C4orf50: variants seen among roughly 807,000 people sequenced by gnomAD.
C4orf50 encodes uncharacterized protein C4orf50.
Under a neutral mutation model 77.2 loss-of-function variants are expected in C4orf50, and 80 were observed. The observed-to-expected ratio is 1.04, with a 90% CI of 0.87 to 1.25. The LOEUF is 1.25. Among genes scored for constraint, C4orf50 ranks in the 50% most tolerant of loss-of-function variants. The probability of loss-of-function intolerance (pLI) is 0.00; values close to 1 mark genes in which losing one functional copy is unlikely to be tolerated. For synonymous variants in C4orf50, 532 were observed against 465.3 expected (o/e 1.14, Z -1.84); for missense variants, 1,257 against 1,152.9 (o/e 1.09, Z -1.31).
intron 7 of C4orf50, among the ~76,000 whole-genome samples, chr4:5,912,712 T>G (rs889179110): frequency 6.6e-6 from 1 of 151,956 alleles, no homozygotes; most frequent in Non-Finnish European, 1.5e-5. Context: ...GGCAGAGGAG[T>G]GCAGAGAGAG....
rs1197953101 is a variant in C4orf50, at chr4:5,970,800, C to A, written c.4104+2859G>T. 6.6e-6 allele frequency among the ~76,000 whole-genome samples: 1 copy of A among 152,222 alleles called. No homozygotes were observed. Among genetic ancestry groups the A allele is most frequent in the Non-Finnish European group, 1.5e-5 (1 of 68,040 alleles). ...CCTCAGCCCAAGGCCCAGCCCCCACCCCCTCAACAGCCCTGGGACATGCTG... is the reference window on the plus strand; with the variant it reads ...CCTCAGCCCAAGGCCCAGCCCCCACACCCTCAACAGCCCTGGGACATGCTG... On this transcript the variant is annotated intron_variant, in intron 31 of 33. Coordinates refer to ENST00000531445, the Ensembl canonical transcript of C4orf50. The surrounding 1 kb of genome is among the most constrained non-coding windows in gnomAD (Gnocchi z 4.3).
chr4:5,931,134 A>G (rs560237959), intron 7 of C4orf50, among the ~76,000 whole-genome samples: 1 of 152,298 alleles, frequency 6.6e-6, no homozygotes, highest in Admixed American at 6.5e-5. Flanking sequence ...CCCAGCTGAA[A>G]AGGAACTCGC....
chr4:5,966,916 G>C (rs368371346), intron 32 of C4orf50, among the ~76,000 whole-genome samples: 213 of 152,294 alleles, frequency 1.4e-3, no homozygotes, highest in African/African-American at 4.9e-3. Context: ...CCAAAGTGCT[G>C]GGATTACAGG....
At position 5,931,142 on chromosome 4, in the gene C4orf50, C is replaced by T. The variant is rs146907885; in HGVS notation, c.*2474+25759G>A. ...TGTCAGGCCCAGCTGAAAAGGAACT[C>T]GCCAAGACTGGGGCTGAGCTGAAAA... On this transcript the variant is annotated intron_variant, in intron 7 of 7. Coordinates refer to the C4orf50 transcript ENST00000324058. Among the ~76,000 whole-genome samples, 755 of 152,282 alleles carry T rather than the reference C, an allele frequency of 5.0e-3. 7 individuals carry two copies. The highest frequency in any genetic ancestry group is 0.017 in the African/African-American group (711 of 41,552).
chr4:5,947,549 G>A (rs1032095960), intron 7 of C4orf50, among the ~76,000 whole-genome samples: 6 of 142,778 alleles, frequency 4.2e-5, no homozygotes, highest in African/African-American at 1.5e-4. Context: ...CTCAAGCAAC[G>A]GATGGGAAAA....
chr4:5,957,437 G>A (rs1310564467), exon 34 of C4orf50: 1 of 152,388 alleles, frequency 6.6e-6, no homozygotes, highest in East Asian at 1.9e-4. Flanking sequence ...GGAGGCAGAA[G>A]GCGGATCACC....
intron 25 of C4orf50, among the ~76,000 whole-genome samples, chr4:5,996,774 C>T (rs1721610451): frequency 6.6e-6 from 1 of 152,208 alleles, no homozygotes; most frequent in African/African-American, 2.4e-5. Flanking sequence ...TCAACCCAAA[C>T]CTATTAACCC....
Position 6,011,137 on chromosome 4 carries a change from T to C in C4orf50, c.426+693A>G, listed in dbSNP as rs1034023875. On this transcript the variant is annotated intron_variant, in intron 24 of 33. Coordinates refer to ENST00000531445, the Ensembl canonical transcript of C4orf50. This position sits in a 1 kb window ranked among gnomAD's most constrained non-coding sequence, Gnocchi z 4.2. ...CTGCCTCCATCATCTCTCTCTCCCA[T>C]GCAGGGAGAATGGCATTCCCCAAAT... 4.6e-5 allele frequency among the ~76,000 whole-genome samples: 7 copies of C among 152,086 alleles called. No individual in the cohort carries two copies. The highest frequency in any genetic ancestry group is 2.0e-4 in the Admixed American group (3 of 15,274).
intron 28 of C4orf50, among the ~76,000 whole-genome samples, chr4:5,984,694 T>C (rs1720768551): frequency 6.6e-6 from 1 of 152,042 alleles, no homozygotes; most frequent in Non-Finnish European, 1.5e-5. Flanking sequence ...TTAAAACTGA[T>C]ACAGGATTTT....
intron 7 of C4orf50, among the ~76,000 whole-genome samples, chr4:5,946,935 A>G (rs937507094): frequency 6.6e-6 from 1 of 152,244 alleles, no homozygotes; most frequent in Non-Finnish European, 1.5e-5. Flanking sequence ...ATACATTTAC[A>G]TATAACAACG....
chr4:5,938,451 G>A (rs1391767126), intron 7 of C4orf50, among the ~76,000 whole-genome samples: 2 of 152,172 alleles, frequency 1.3e-5, no homozygotes, highest in African/African-American at 4.8e-5. Context: ...AAGGATCCAA[G>A]GGTCACAGCG....
rs531434509 is a variant in C4orf50 at position 5,972,626 on chromosome 4, C to G, written c.4104+1033G>C. Among the ~76,000 whole-genome samples the G allele has an allele frequency of 1.1e-3, 166 of 152,342 alleles. 2 individuals are homozygous for G. Among genetic ancestry groups the G allele is most frequent in the Non-Finnish European group, 1.4e-3 (95 of 68,042 alleles). On this transcript the variant is annotated intron_variant, in intron 31 of 33. Transcript: ENST00000531445. Reference sequence around the variant, plus strand: ...AAAGGAAGGGTCAGAGGAGGTTGGCCTTGCAGAGACCAGGCTGGGCAGAGC... The same window carrying G: ...AAAGGAAGGGTCAGAGGAGGTTGGCGTTGCAGAGACCAGGCTGGGCAGAGC...
intron 29 of C4orf50, among the ~76,000 whole-genome samples, chr4:5,978,038 A>G (rs1201424095): frequency 6.6e-6 from 1 of 152,252 alleles, no homozygotes; most frequent in East Asian, 1.9e-4. Context: ...TTCAAATACG[A>G]CATACAAATG....
intron 7 of C4orf50, among the ~76,000 whole-genome samples, chr4:5,931,917 C>T (rs942697815): frequency 3.3e-5 from 5 of 152,184 alleles, no homozygotes; most frequent in South Asian, 2.1e-4. Flanking sequence ...AAGGGGAAGC[C>T]GAGGCTGGAA....
intron 7 of C4orf50, among the ~76,000 whole-genome samples, chr4:5,928,518 T>G (rs950734716): frequency 2.0e-5 from 3 of 152,192 alleles, no homozygotes; most frequent in Non-Finnish European, 4.4e-5. Flanking sequence ...AGGAGGCAGA[T>G]CTGTGTGCTG....
intron 33 of C4orf50, 101 bp downstream of exon 11, chr4:5,964,923 T>C: frequency 8.7e-7 from 1 of 1,143,112 alleles, no homozygotes; most frequent in Non-Finnish European, 1.2e-6. Flanking sequence ...GGTGGTGGCT[T>C]TCTGGGTGTA....
At chr4:5,915,223 G>A (rs1290972423) in intron 7 of C4orf50, among the ~76,000 whole-genome samples, 1 of 152,154 alleles carries the variant, frequency 6.6e-6, no homozygotes, top group Non-Finnish European at 1.5e-5. Flanking sequence ...GGCCATGCCA[G>A]GACCCCCTTC....
chr4:5,972,493 C>T (rs534760521), intron 31 of C4orf50, among the ~76,000 whole-genome samples: 3 of 152,294 alleles, frequency 2.0e-5, no homozygotes, highest in Admixed American at 6.5e-5. Context: ...CAAGTTCTGC[C>T]TATGAATTGA....
At chr4:6,012,838 C>A (rs1465764652) in intron 23 of C4orf50, among the ~76,000 whole-genome samples, 1 of 152,232 alleles carries the variant, frequency 6.6e-6, no homozygotes, top group African/African-American at 2.4e-5. Context: ...TGCCTAGTTT[C>A]CAAGTCCCCT....
Sources: allele counts gnomAD v4.1 joint callset (sites outside exome capture counted in the v4.1 genomes callset), GRCh38; gene constraint gnomAD v4.1.1; non-coding constraint Gnocchi (gnomAD v3.1); transcripts MANE v1.5; gene names NCBI Gene and HGNC (gene_info 2026-07-23, HGNC 2026-07-21).